The following LRP8 variants were observed in gnomAD, a reference collection of about 807,000 sequenced individuals.
LRP8 encodes LDL receptor related protein 8, also known as low-density lipoprotein receptor-related protein 8.
A neutral mutation model predicts 111.6 loss-of-function variants in LRP8; 46 were observed. The ratio of observed to expected loss-of-function variants is 0.41; its 90% CI spans 0.33 to 0.53. LRP8 has a LOEUF of 0.53. Ranked by LOEUF, LRP8 falls within the 20% of genes least tolerant of loss-of-function variation. The pLI, the probability that LRP8 is intolerant of heterozygous loss-of-function variation, is 0.20. For synonymous variants in LRP8, 464 were observed against 511.2 expected, an observed-to-expected ratio of 0.91 and a Z score of 1.24; for missense variants, 959 against 1,297.4, an observed-to-expected ratio of 0.74 and a Z score of 4.01.
At chr1:53,252,442 A>G (rs80307543) in intron 16 of LRP8, among the ~76,000 whole-genome samples, 465 of 152,144 alleles carry the variant, frequency 3.1e-3, no homozygotes, top group African/African-American at 0.011. Flanking sequence ...ATGCTGAGGC[A>G]GGAGAATCCC....
intron 1 of LRP8, 105 bp downstream of exon 1, chr1:53,327,684 C>T (rs1655341504): frequency 3.1e-6 from 4 of 1,300,090 alleles, no homozygotes; most frequent in Non-Finnish European, 3.9e-6. Context: ...CCCGGGAGCC[C>T]CCGATAGCCC....
chr1:53,274,485 G>A (rs547250300), intron 6 of LRP8, among the ~76,000 whole-genome samples: 1 of 152,356 alleles, frequency 6.6e-6, no homozygotes, highest in East Asian at 1.9e-4. Context: ...TTTAGTACCT[G>A]GGATGGACAA....
chr1:53,315,761 C>T (rs1261560954), intron 2 of LRP8, among the ~76,000 whole-genome samples: 1 of 152,216 alleles, frequency 6.6e-6, no homozygotes, highest in Non-Finnish European at 1.5e-5. Context: ...TCCTCAGTCT[C>T]TCAGAGCCCC....
At chr1:53,274,720 C>T (rs757055894) in intron 6 of LRP8, 24 of 456,174 alleles carry the variant, frequency 5.3e-5, no homozygotes, top group South Asian at 2.6e-4. Context: ...GAAGCTCATC[C>T]GACCAGTCCC....
chr1:53,302,976 T>C (rs1651264412), intron 2 of LRP8, among the ~76,000 whole-genome samples: 1 of 151,958 alleles, frequency 6.6e-6, no homozygotes, highest in African/African-American at 2.4e-5. Context: ...TGTATGATTA[T>C]AGGTGAGTGA....
At position 53,275,603 on chromosome 1, in the gene LRP8, A is replaced by T; in HGVS notation, c.1006+28T>A. 1.9e-6 allele frequency: 3 copies of T among 1,613,016 alleles called. No homozygotes were observed. Among genetic ancestry groups the T allele is most frequent in the Non-Finnish European group, 8.5e-7 (1 of 1,179,374 alleles). ...AGAGCCTAGGGCATCCTCACAGAGG[A>T]TGTGTTCTGTGCCCTGACCACACGC... is the stretch of plus-strand genomic sequence containing the variant. On this transcript the variant is annotated intron_variant, in intron 6 of 18. Transcript: ENST00000306052. The surrounding 1 kb of genome is among the most constrained non-coding windows in gnomAD (Gnocchi z 4.4).
intron 2 of LRP8, among the ~76,000 whole-genome samples, chr1:53,318,371 G>C (rs1459190207): frequency 6.6e-6 from 1 of 152,040 alleles, no homozygotes; most frequent in Non-Finnish European, 1.5e-5. Context: ...AGGTGGCCCT[G>C]TGCTCAGAGA....
chr1:53,324,957 C>A (rs1460355411), intron 2 of LRP8, among the ~76,000 whole-genome samples: 1 of 152,226 alleles, frequency 6.6e-6, no homozygotes, highest in Non-Finnish European at 1.5e-5. Flanking sequence ...AGGAGGCATC[C>A]TTATCTAGAA....
rs1306752128 is a variant in LRP8 at position 53,284,226 on chromosome 1, C to CTTA, written c.368-3512_368-3511insTAA. On this transcript the variant is annotated intron_variant, in intron 3 of 18. Coordinates refer to ENST00000306052, the MANE Select transcript of LRP8 (RefSeq NM_004631.5). Reference sequence around the variant, plus strand: ...ACCTACTACATACCCGGGCCACTTACCTACTACATACCCGGGCCACTTACT... The same window carrying CTTA: ...ACCTACTACATACCCGGGCCACTTACTTACTACTACATACCCGGGCCACTTACT... Among the ~76,000 whole-genome samples the CTTA allele has an allele frequency of 2.0e-5, 3 of 151,074 alleles. No individual in the cohort carries two copies. The East Asian group carries it at 6.0e-4, about 30-fold the overall frequency.
chr1:53,310,098 G>C (rs1288485), intron 2 of LRP8, among the ~76,000 whole-genome samples: 66,368 of 151,830 alleles, frequency 0.44, 15,154 homozygotes, highest in East Asian at 0.68. Context: ...GGACAGGAAG[G>C]GCTCTGGGCC....
chr1:53,277,050 G>A lies in LRP8; in HGVS notation c.525C>T (p.Gly175=), dbSNP rs933234634. Residue 175 remains glycine, a synonymous_variant, in exon 5 of 19, where the codon GGC becomes GGT. Coordinates refer to ENST00000306052, the MANE Select transcript of LRP8 (RefSeq NM_004631.5). ...TLCAPHEFQC[G]NRSCLAAVFV... Reference sequence around the variant, plus strand: ...ACACGGCGGCCAGGCACGAGCGGTTGCCGCACTGGAACTCGTGCGGGGCGC... The same window carrying A: ...ACACGGCGGCCAGGCACGAGCGGTTACCGCACTGGAACTCGTGCGGGGCGC... 7 of 1,523,276 alleles carry A rather than the reference G, an allele frequency of 4.6e-6. No individual in the cohort carries two copies. The African/African-American group carries it at 7.0e-5, about 15-fold the overall frequency. 94.4% of individuals were successfully genotyped at this position (1,523,276 alleles called of 1,614,324 possible). A position where few individuals can be genotyped will look rare whatever the true frequency, so the allele number is the denominator to read the frequency against.
At chr1:53,310,842 C>CCTGTGATGGGCA (rs1466475774) in intron 2 of LRP8, among the ~76,000 whole-genome samples, 5 of 152,162 alleles carry the variant, frequency 3.3e-5, no homozygotes, top group African/African-American at 1.2e-4. Flanking sequence ...TGTGCTGGGC[C>CCTGTGATGGGCA]CTGTGATGGG....
intron 16 of LRP8, among the ~76,000 whole-genome samples, chr1:53,254,323 C>T (rs990794122): frequency 6.6e-6 from 1 of 151,982 alleles, no homozygotes; most frequent in Non-Finnish European, 1.5e-5. Context: ...CCTGACCCTT[C>T]CAGGCCATTT....
chr1:53,267,563 C>T (rs1055321749), intron 8 of LRP8: 4 of 152,174 alleles, frequency 2.6e-5, no homozygotes, highest in Non-Finnish European at 5.9e-5. Context: ...CACAAAAGGT[C>T]CTATGAGCTG....
intron 4 of LRP8, among the ~76,000 whole-genome samples, chr1:53,278,910 G>A (rs1056392235): frequency 6.8e-6 from 1 of 146,236 alleles, no homozygotes; most frequent in Non-Finnish European, 1.5e-5. Flanking sequence ...CACCACGCCC[G>A]GCTAATTTTT....
chr1:53,275,845 C>T lies in LRP8; in HGVS notation c.884-92G>A. 18 of 1,478,814 alleles carry T rather than the reference C, an allele frequency of 1.2e-5. No individual in the cohort carries two copies. In the South Asian group the frequency reaches 1.6e-4, roughly 13 times the overall value. 91.6% of individuals were successfully genotyped at this position (1,478,814 alleles called of 1,614,324 possible). A position where few individuals can be genotyped will look rare whatever the true frequency, so the allele number is the denominator to read the frequency against. On this transcript the variant is annotated intron_variant, in intron 5 of 18. Transcript: ENST00000306052. The surrounding 1 kb of genome is among the most constrained non-coding windows in gnomAD (Gnocchi z 4.4). Reference sequence around the variant, plus strand: ...CCAATCCCCATGCCATAGCCACCCCCAGCAAAAACAGAACCAGTGGCTGAA... The same window carrying T: ...CCAATCCCCATGCCATAGCCACCCCTAGCAAAAACAGAACCAGTGGCTGAA...
intron 3 of LRP8, among the ~76,000 whole-genome samples, chr1:53,286,389 C>G (rs939796648): frequency 6.6e-6 from 1 of 152,170 alleles, no homozygotes; most frequent in Non-Finnish European, 1.5e-5. Context: ...ATCAGAGAGG[C>G]CCCCCTCCCA....
intron 6 of LRP8, 87 bp from the exon 7 acceptor site, chr1:53,271,433 C>A: frequency 1.3e-6 from 2 of 1,511,044 alleles, no homozygotes; most frequent in South Asian, 2.3e-5. Context: ...AGAAGCAGAG[C>A]CTCAGGGCAG....
chr1:53,308,720 G>A (rs1189039018), intron 2 of LRP8, among the ~76,000 whole-genome samples: 2 of 152,190 alleles, frequency 1.3e-5, no homozygotes, highest in Admixed American at 6.5e-5. Flanking sequence ...AGACGTGACT[G>A]GGGGCTGGAG....
Sources: allele counts gnomAD v4.1 joint callset (sites outside exome capture counted in the v4.1 genomes callset), GRCh38; gene constraint gnomAD v4.1.1; non-coding constraint Gnocchi (gnomAD v3.1); transcripts MANE v1.5; gene names NCBI Gene and HGNC (gene_info 2026-07-23, HGNC 2026-07-21).